Variants in PLEKHA8 observed in about 807,000 individuals in gnomAD.
The protein encoded by PLEKHA8 is pleckstrin homology domain-containing family A member 8.
A neutral mutation model predicts 68.2 loss-of-function variants in PLEKHA8; 36 were observed. The observed-to-expected ratio is 0.53, with a 90% CI of 0.40 to 0.70. PLEKHA8 has a LOEUF of 0.70. Ranked by LOEUF, PLEKHA8 falls within the 30% of genes least tolerant of loss-of-function variation. The probability of loss-of-function intolerance (pLI) is 0.00; values close to 1 mark genes in which losing one functional copy is unlikely to be tolerated. For missense variants in PLEKHA8, 505 were observed against 615.4 expected (o/e 0.82, Z 1.90); for synonymous variants, 211 against 216.1 (o/e 0.98, Z 0.20).
chr7:30,044,590 A>G (rs1207836909), intron 1 of PLEKHA8, among the ~76,000 whole-genome samples: 5 of 152,054 alleles, frequency 3.3e-5, no homozygotes, highest in Non-Finnish European at 4.4e-5. Context: ...CTTAGTTGGC[A>G]CTCTCTATGA....
In PLEKHA8 at chr7:30,083,552, T is replaced by G; in HGVS notation, c.*4765T>G. 1.0e-6 allele frequency: 1 copy of G among 985,440 alleles called. No individual in the cohort carries two copies. Among genetic ancestry groups the G allele is most frequent in the Non-Finnish European group, 1.2e-6 (1 of 829,928 alleles). 61.0% of individuals were successfully genotyped at this position (985,440 alleles called of 1,614,324 possible). ...GCATTCAGGCACTCCAGGGCATGAT[T>G]AAACAGTCATTAACAGTGCCTCTCT... On this transcript the variant is annotated 3_prime_UTR_variant, in exon 14 of 14. Coordinates refer to ENST00000449726, the MANE Select transcript of PLEKHA8 (RefSeq NM_001197026.2).
intron 13 of PLEKHA8, among the ~76,000 whole-genome samples, chr7:30,104,938 G>A (rs1796004814): frequency 6.6e-6 from 1 of 151,830 alleles, no homozygotes; most frequent in African/African-American, 2.4e-5. Context: ...GGCAAGGCTG[G>A]TCTCGAACTC....
chr7:30,043,774 C>A (rs889971370), intron 1 of PLEKHA8, among the ~76,000 whole-genome samples: 1 of 152,118 alleles, frequency 6.6e-6, no homozygotes, highest in South Asian at 2.1e-4. Flanking sequence ...GTTCAGTAGC[C>A]TCCTATTAAA....
intron 1 of PLEKHA8, among the ~76,000 whole-genome samples, chr7:30,034,191 G>A (rs1238364523): frequency 2.0e-5 from 3 of 151,650 alleles, no homozygotes; most frequent in Admixed American, 6.6e-5. Context: ...TGTGTTTTTA[G>A]TAGAGATGGG....
At chr7:30,117,808 TA>T (rs1317429104) in intron 13 of PLEKHA8, among the ~76,000 whole-genome samples, 6 of 152,116 alleles carry the variant, frequency 3.9e-5, no homozygotes, top group Admixed American at 2.0e-4. Context: ...GTGTGCACAC[TA>T]AAAAAATGAA....
chr7:30,103,023 T>C (rs1795907162), intron 13 of PLEKHA8, among the ~76,000 whole-genome samples: 1 of 152,234 alleles, frequency 6.6e-6, no homozygotes, highest in Non-Finnish European at 1.5e-5. Flanking sequence ...GAGATTTGAT[T>C]GGCCCTCTGC....
intron 12 of PLEKHA8, among the ~76,000 whole-genome samples, chr7:30,067,020 G>C (rs1793894359): frequency 6.6e-6 from 1 of 152,182 alleles, no homozygotes; most frequent in Non-Finnish European, 1.5e-5. Flanking sequence ...TGCAGCATAT[G>C]CCTCCACTGG....
At chr7:30,096,873 G>A (rs982327921) in intron 13 of PLEKHA8, among the ~76,000 whole-genome samples, 1 of 152,200 alleles carries the variant, frequency 6.6e-6, no homozygotes, top group Admixed American at 6.5e-5. Flanking sequence ...TCATTATGAT[G>A]TTAGCTGGTT....
downstream of PLEKHA8, among the ~76,000 whole-genome samples, chr7:30,095,323 C>A (rs1464873440): frequency 6.6e-6 from 1 of 152,196 alleles, no homozygotes; most frequent in Non-Finnish European, 1.5e-5. Context: ...TAAATGTCTT[C>A]TTTTGGGAAG....
chr7:30,130,306 C>A (rs1019623353), downstream of PLEKHA8: 4 of 152,198 alleles, frequency 2.6e-5, no homozygotes, highest in Admixed American at 6.5e-5. Context: ...AGCACCACCG[C>A]TGAGATTTTG....
intron 12 of PLEKHA8, among the ~76,000 whole-genome samples, chr7:30,070,196 AGACCCAGCCCAAATTCTTT>A (rs1794144364): frequency 6.6e-6 from 1 of 152,082 alleles, no homozygotes; most frequent in Admixed American, 6.5e-5. Flanking sequence ...ATCTCAGTCA[AGACCCAGCCCAAATTCTTT>A]TGACACACCT....
At chr7:30,098,389 G>A (rs1387879352) in intron 13 of PLEKHA8, among the ~76,000 whole-genome samples, 1 of 152,256 alleles carries the variant, frequency 6.6e-6, no homozygotes, top group Non-Finnish European at 1.5e-5. Flanking sequence ...AGAGGTTACT[G>A]CTGCCTTTTG....
chr7:30,111,515 T>C (rs765391735), intron 13 of PLEKHA8, among the ~76,000 whole-genome samples: 8 of 152,216 alleles, frequency 5.3e-5, no homozygotes, highest in Admixed American at 3.9e-4. Context: ...CTTAGTTTTC[T>C]ATATCATTCA....
intron 13 of PLEKHA8, among the ~76,000 whole-genome samples, chr7:30,075,977 C>T (rs1290370974): frequency 6.6e-6 from 1 of 151,594 alleles, no homozygotes; most frequent in Non-Finnish European, 1.5e-5. Flanking sequence ...CCATATTTTC[C>T]TTTTTTAACA....
intron 12 of PLEKHA8, among the ~76,000 whole-genome samples, chr7:30,070,501 G>A (rs1794163036): frequency 6.6e-6 from 1 of 151,824 alleles, no homozygotes; most frequent in Admixed American, 6.6e-5. Context: ...GCAATGTATA[G>A]GAAAGGTATA....
chr7:30,046,899 T>TG (rs1183548278), intron 3 of PLEKHA8, among the ~76,000 whole-genome samples: 2 of 152,342 alleles, frequency 1.3e-5, no homozygotes, highest in South Asian at 4.1e-4. Flanking sequence ...TTAATGCTCA[T>TG]TCACTGGACA....
intron 6 of PLEKHA8, chr7:30,050,716 A>G (rs1792339244): frequency 2.7e-6 from 1 of 372,128 alleles, no homozygotes; most frequent in Non-Finnish European, 4.7e-6. Context: ...CACCCATCAC[A>G]TCTAGTAACT....
At position 30,108,940 on chromosome 7, in the gene PLEKHA8, G is replaced by A. The variant is rs140554777; in HGVS notation, c.1363-20326G>A. On this transcript the variant is annotated intron_variant, in intron 13 of 13. Coordinates refer to the PLEKHA8 transcript ENST00000396257. ...AGTCTGTATGCCTCCCACAAACAAAGTTAATTCTCATGGTGGCACTAGAAG... is the reference window on the plus strand; with the variant it reads ...AGTCTGTATGCCTCCCACAAACAAAATTAATTCTCATGGTGGCACTAGAAG... 2.7e-3 allele frequency among the ~76,000 whole-genome samples: 412 copies of A among 152,280 alleles called. 3 individuals are homozygous for A. The highest frequency in any genetic ancestry group is 9.8e-3 in the African/African-American group (406 of 41,548).
Position 30,113,801 on chromosome 7 carries a change from T to A in PLEKHA8, c.1363-15465T>A, listed in dbSNP as rs1015402804. On this transcript the variant is annotated intron_variant, in intron 13 of 13. Transcript: ENST00000396257. ...GCACAATTTCCTCAGATGGGACTTC[T>A]AATTTACTAATTCTCCCTTCAACTT... 5.9e-5 allele frequency among the ~76,000 whole-genome samples: 9 copies of A among 152,348 alleles called. No individual in the cohort carries two copies. The East Asian group carries it at 1.7e-3, about 29-fold the overall frequency.
Sources: allele counts gnomAD v4.1 joint callset (sites outside exome capture counted in the v4.1 genomes callset), GRCh38; gene constraint gnomAD v4.1.1; transcripts MANE v1.5; gene names NCBI Gene and HGNC (gene_info 2026-07-23, HGNC 2026-07-21).